MAST2: variants seen among roughly 807,000 people sequenced by gnomAD.
The protein encoded by MAST2 is microtubule associated serine/threonine kinase 2, also known as microtubule-associated serine/threonine-protein kinase 2.
A neutral mutation model predicts 147.4 loss-of-function variants in MAST2; 70 were observed. That is an observed-to-expected ratio of 0.47 (90% confidence interval 0.39 to 0.58). MAST2 has a LOEUF of 0.58. MAST2 is among the 20% of genes least tolerant of loss of function. The pLI is 0.00. For missense variants in MAST2, 2,080 were observed against 2,302.3 expected (o/e 0.90, Z 1.98); for synonymous variants, 869 against 896.8 (o/e 0.97, Z 0.55).
chr1:45,952,560 TTAAAA>T (rs1193078100), intron 4 of MAST2, among the ~76,000 whole-genome samples: 13 of 152,210 alleles, frequency 8.5e-5, no homozygotes, highest in Admixed American at 6.5e-4. Context: ...AAGTTAATGG[TTAAAA>T]TAAAGCAACC....
At chr1:45,836,829 A>G (rs1303208107) in intron 3 of MAST2, among the ~76,000 whole-genome samples, 2 of 152,220 alleles carry the variant, frequency 1.3e-5, no homozygotes, top group Non-Finnish European at 2.9e-5. Context: ...AGAACAGAAC[A>G]GCATTCCCCA....
chr1:45,939,278 A>G (rs1005386231), intron 4 of MAST2, among the ~76,000 whole-genome samples: 6 of 152,178 alleles, frequency 3.9e-5, no homozygotes, highest in South Asian at 2.1e-4. Context: ...TCCTTCTACT[A>G]TTGAATCCTC....
chr1:45,983,381 T>A (rs1328648751), intron 5 of MAST2, among the ~76,000 whole-genome samples: 1 of 152,188 alleles, frequency 6.6e-6, no homozygotes, highest in Non-Finnish European at 1.5e-5. Flanking sequence ...GATTTCATTA[T>A]CATGGCCTTA....
At chr1:45,844,536 G>T (rs1348252100) in intron 3 of MAST2, among the ~76,000 whole-genome samples, 1 of 151,992 alleles carries the variant, frequency 6.6e-6, no homozygotes. Context: ...CACCTGCCTC[G>T]GCTTCCCAAA....
chr1:45,964,430 C>A (rs1570960622), intron 5 of MAST2, among the ~76,000 whole-genome samples: 2 of 152,252 alleles, frequency 1.3e-5, no homozygotes, highest in South Asian at 4.2e-4. Flanking sequence ...CAACTTCCTC[C>A]TGGTTTAGTC....
rs759721183 is a variant in MAST2, at chr1:45,829,431, A to G, written c.326-8A>G. 1.1e-5 allele frequency: 18 copies of G among 1,603,966 alleles called. No homozygotes were observed. The Admixed American group carries it at 2.9e-4, about 26-fold the overall frequency. The stretch of plus-strand genomic sequence containing the variant: ...TACATGTATATTTTCCAAACCTTGT[A>G]TTTGAAGGTAAGCAGCTGCTCCCTT... On this transcript the variant is annotated splice_polypyrimidine_tract_variant and splice_region_variant and intron_variant, in intron 2 of 28. Transcript: ENST00000361297.
At chr1:45,879,607 T>A (rs1262937472) in intron 3 of MAST2, among the ~76,000 whole-genome samples, 1 of 144,340 alleles carries the variant, frequency 6.9e-6, no homozygotes, top group Non-Finnish European at 1.5e-5. Context: ...CACCAATAAC[T>A]TTAGTAGGCA....
At chr1:45,902,811 G>A (rs1040619049) in intron 4 of MAST2, among the ~76,000 whole-genome samples, 2 of 152,202 alleles carry the variant, frequency 1.3e-5, no homozygotes, top group South Asian at 4.1e-4. Flanking sequence ...TTGTGTTTCT[G>A]TGATATCAGT....
intron 3 of MAST2, among the ~76,000 whole-genome samples, chr1:45,845,362 T>C (rs1289313312): frequency 6.6e-6 from 1 of 152,226 alleles, no homozygotes; most frequent in Non-Finnish European, 1.5e-5. Flanking sequence ...AGAAATAAAT[T>C]TTATTTTTAA....
intron 4 of MAST2, among the ~76,000 whole-genome samples, chr1:45,925,888 T>C (rs1277341281): frequency 6.6e-6 from 1 of 152,216 alleles, no homozygotes; most frequent in Non-Finnish European, 1.5e-5. Context: ...GCACCTCCTA[T>C]GTCACACGTA....
chr1:46,010,784 G>C lies in MAST2; in HGVS notation c.1033G>C (p.Asp345His). The C allele has an allele frequency of 6.2e-7, 1 of 1,614,162 alleles. No individual in the cohort carries two copies. The highest frequency in any genetic ancestry group is 8.5e-7 in the Non-Finnish European group (1 of 1,180,030). Residue 345 changes from aspartate (D) to histidine (H), a missense_variant, in exon 10 of 29, where the codon GAC (aspartate) becomes CAC (histidine). Asp to His is a moderately conservative substitution (Grantham distance 81, BLOSUM62 -1). Around this residue, in one of 4 missense-constraint regions of MAST2, gnomAD observed 569 missense variants for 642.5 expected, o/e 0.89. Transcript: ENST00000361297. ...LAEFISSNTPDSVLPLADGAL... is the reference protein window; with the variant it reads ...LAEFISSNTPHSVLPLADGAL... ...AGAGTTTATTTCCTCCAACACTCCA[G>C]ACAGCGTGCTGCCCTTGGCAGATGG...
At chr1:45,978,285 G>A (rs1644255933) in intron 5 of MAST2, among the ~76,000 whole-genome samples, 1 of 152,174 alleles carries the variant, frequency 6.6e-6, no homozygotes, top group African/African-American at 2.4e-5. Flanking sequence ...AGACCGAGGT[G>A]GGCAGATCAC....
At position 46,023,994 on chromosome 1, in the gene MAST2, G is replaced by C; in HGVS notation, c.1780+14G>C. On this transcript the variant is annotated intron_variant, in intron 15 of 28. Transcript: ENST00000361297. The surrounding 1 kb of genome is among the most constrained non-coding windows in gnomAD (Gnocchi z 4.9). ...AGTACGTTGAAGGTACTGAGGCAAA[G>C]GTGGCCTGGCATGGAGGCCAAGGCA... is the stretch of plus-strand genomic sequence containing the variant. 6.2e-7 allele frequency: 1 copy of C among 1,613,976 alleles called. No homozygotes were observed. The highest frequency in any genetic ancestry group is 8.5e-7 in the Non-Finnish European group (1 of 1,179,826).
chr1:45,927,880 A>G (rs1654650920), intron 4 of MAST2, among the ~76,000 whole-genome samples: 1 of 152,242 alleles, frequency 6.6e-6, no homozygotes, highest in Non-Finnish European at 1.5e-5. Flanking sequence ...AAATTACAAA[A>G]GTATTAATTT....
intron 4 of MAST2, among the ~76,000 whole-genome samples, chr1:45,900,398 C>G (rs1273865888): frequency 6.8e-6 from 1 of 146,840 alleles, no homozygotes; most frequent in Admixed American, 6.8e-5. Context: ...AAGATGGTAT[C>G]TTATTGTGGT....
Position 45,824,458 on chromosome 1 carries a change from T to G in MAST2, c.203T>G (p.Leu68Arg). The change falls in exon 2 of 29, where the codon CTG becomes CGG. Residue 68 changes from leucine to arginine, a missense_variant. Physicochemically the swap from Leu to Arg is moderately radical, Grantham distance 102. Transcript: ENST00000361297. ...EQDVVTGVSP[L>R]LFRKLSNPDI... Reference sequence around the variant, plus strand: ...GATGTAGTAACTGGAGTTAGTCCCCTGCTCTTCAGGAAACTCAGTAATCCT... The same window carrying G: ...GATGTAGTAACTGGAGTTAGTCCCCGGCTCTTCAGGAAACTCAGTAATCCT... 6.2e-7 allele frequency: 1 copy of G among 1,610,522 alleles called. No individual in the cohort carries two copies. The highest frequency in any genetic ancestry group is 8.5e-7 in the Non-Finnish European group (1 of 1,177,802).
At chr1:45,939,981 T>TTTTTTTTG (rs1491127039) in intron 4 of MAST2, among the ~76,000 whole-genome samples, 9 of 34,228 alleles carry the variant, frequency 2.6e-4, no homozygotes, top group Non-Finnish European at 6.0e-4. Context: ...TTATTTAGGG[T>TTTTTTTTG]TTTTTTTTTT....
chr1:46,033,902 G>A lies in MAST2; in HGVS notation c.3638G>A (p.Arg1213Lys). 6.2e-7 allele frequency: 1 copy of A among 1,614,216 alleles called. No individual in the cohort carries two copies. The highest frequency in any genetic ancestry group is 8.5e-7 in the Non-Finnish European group (1 of 1,180,026). ...KGSYKAKMARRSKRSRGKDGQ... is the reference protein window; with the variant it reads ...KGSYKAKMARKSKRSRGKDGQ... ...AGCTACAAGGCCAAGATGGCCCGAAGGAGCAAGAGGAGCCGCGGCAAGGAT... is the reference window on the plus strand; with the variant it reads ...AGCTACAAGGCCAAGATGGCCCGAAAGAGCAAGAGGAGCCGCGGCAAGGAT... The change falls in exon 27 of 29, where the codon AGG becomes AAG. Residue 1213 changes from arginine to lysine, a missense_variant. Around this residue, in one of 4 missense-constraint regions of MAST2, gnomAD observed 1,278 missense variants for 1,304.2 expected, o/e 0.98. Transcript: ENST00000361297.
chr1:45,996,088 T>C (rs1389055762), intron 5 of MAST2, among the ~76,000 whole-genome samples: 2 of 151,698 alleles, frequency 1.3e-5, no homozygotes, highest in African/African-American at 2.4e-5. Context: ...TTTTGCTGCT[T>C]TTTTTTCCCC....
Sources: allele counts gnomAD v4.1 joint callset (sites outside exome capture counted in the v4.1 genomes callset), GRCh38; gene constraint gnomAD v4.1.1; regional missense constraint gnomAD v4.1.1; non-coding constraint Gnocchi (gnomAD v3.1); transcripts MANE v1.5; gene names NCBI Gene and HGNC (gene_info 2026-07-23, HGNC 2026-07-21).